Variants in ROBO2 observed in about 807,000 individuals in gnomAD.
ROBO2 encodes roundabout homolog 2.
Under a neutral mutation model 160.8 loss-of-function variants are expected in ROBO2, and 53 were observed. The observed-to-expected ratio is 0.33, with a 90% CI of 0.26 to 0.41. The LOEUF (loss-of-function observed/expected upper bound fraction) is 0.41, where lower values mean the gene tolerates loss of function less well. Among genes scored for constraint, ROBO2 ranks in the 10% least tolerant of loss-of-function variants. The pLI, the probability that ROBO2 is intolerant of heterozygous loss-of-function variation, is 1.00. For missense variants in ROBO2, 1,577 were observed against 1,722.4 expected (o/e 0.92, Z 1.49); for synonymous variants, 664 against 611.7 (o/e 1.09, Z -1.26).
chr3:77,648,959 C>A (rs1446343214), exon 26 of ROBO2: 2 of 152,150 alleles, frequency 1.3e-5, no homozygotes, highest in African/African-American at 4.8e-5. Context: ...CCAATACAAG[C>A]ACAGCTTCAT....
intron 2 of ROBO2, among the ~76,000 whole-genome samples, chr3:76,539,373 AAAAG>A (rs1420393831): frequency 1.3e-5 from 2 of 152,118 alleles, no homozygotes; most frequent in African/African-American, 4.8e-5. Flanking sequence ...AAAAAAAAAA[AAAAG>A]AATGCTAGCA....
intron 2 of ROBO2, among the ~76,000 whole-genome samples, chr3:76,587,522 G>C (rs1268166056): frequency 6.6e-6 from 1 of 152,054 alleles, no homozygotes; most frequent in Non-Finnish European, 1.5e-5. Context: ...CCAGTGAAGG[G>C]GGAAGTCCCT....
At chr3:76,579,786 CAAAAAAAAAA>C (rs5850267) in intron 2 of ROBO2, among the ~76,000 whole-genome samples, 1 of 107,150 alleles carries the variant, frequency 9.3e-6, no homozygotes, top group Non-Finnish European at 2.0e-5. Context: ...GGTTGAGTTA[CAAAAAAAAAA>C]AAAAAAAAGA....
At chr3:77,611,706 A>G (rs2094646435) in intron 21 of ROBO2, among the ~76,000 whole-genome samples, 1 of 152,198 alleles carries the variant, frequency 6.6e-6, no homozygotes, top group African/African-American at 2.4e-5. Context: ...ATCAAAATCA[A>G]ATAAAAAGTA....
chr3:77,023,186 C>T (rs2062747548), intron 2 of ROBO2, among the ~76,000 whole-genome samples: 1 of 152,284 alleles, frequency 6.6e-6, no homozygotes, highest in South Asian at 2.1e-4. Context: ...AAAAGTCTCA[C>T]GAGATCTGAT....
intron 2 of ROBO2, among the ~76,000 whole-genome samples, chr3:76,887,124 T>C (rs1486104061): frequency 2.0e-5 from 3 of 152,086 alleles, no homozygotes; most frequent in African/African-American, 7.2e-5. Context: ...GGCATTTTAT[T>C]GTATTTATTT....
chr3:76,682,405 T>C (rs779023435), intron 2 of ROBO2, among the ~76,000 whole-genome samples: 2 of 127,692 alleles, frequency 1.6e-5, no homozygotes, highest in African/African-American at 3.4e-5. Context: ...GTTCTAAAAA[T>C]AGTCTATTAA....
At chr3:77,617,401 C>A (rs544058822) in intron 21 of ROBO2, 112 bp from the exon 23 acceptor site, 2 of 1,223,438 alleles carry the variant, frequency 1.6e-6, no homozygotes, top group Non-Finnish European at 2.4e-6. Flanking sequence ...AGAAATAAAC[C>A]GAGAGAACAT....
At chr3:76,163,967 C>T (rs2072734797) in intron 2 of ROBO2, among the ~76,000 whole-genome samples, 1 of 152,188 alleles carries the variant, frequency 6.6e-6, no homozygotes, top group South Asian at 2.1e-4. Flanking sequence ...TTCTCTGTCT[C>T]ATGCAATGCT....
chr3:77,210,673 G>C (rs1386375726), intron 2 of ROBO2, among the ~76,000 whole-genome samples: 1 of 152,048 alleles, frequency 6.6e-6, no homozygotes, highest in Non-Finnish European at 1.5e-5. Context: ...GTGCCATGTT[G>C]GTGTGCTGCA....
At chr3:76,273,238 T>A (rs1223828040) in intron 2 of ROBO2, among the ~76,000 whole-genome samples, 1 of 148,388 alleles carries the variant, frequency 6.7e-6, no homozygotes, top group Non-Finnish European at 1.5e-5. Context: ...ACAGTGAGAC[T>A]CATTCAATAC....
At chr3:76,984,216 G>T (rs900129287) in intron 2 of ROBO2, among the ~76,000 whole-genome samples, 4 of 152,046 alleles carry the variant, frequency 2.6e-5, no homozygotes, top group Non-Finnish European at 4.4e-5. Flanking sequence ...GGCCACAGCC[G>T]AACCATATCA....
intron 2 of ROBO2, among the ~76,000 whole-genome samples, chr3:76,696,792 C>A (rs1442814403): frequency 6.6e-6 from 1 of 152,154 alleles, no homozygotes; most frequent in Non-Finnish European, 1.5e-5. Context: ...TGCCGATTTC[C>A]ACTTTGCACC....
At chr3:76,216,415 A>C (rs966849422) in intron 2 of ROBO2, among the ~76,000 whole-genome samples, 1 of 152,180 alleles carries the variant, frequency 6.6e-6, no homozygotes, top group African/African-American at 2.4e-5. Context: ...CAGGAAACCC[A>C]TCTCACATGC....
chr3:76,991,796 A>G (rs1485449591), intron 2 of ROBO2, among the ~76,000 whole-genome samples: 1 of 152,180 alleles, frequency 6.6e-6, no homozygotes, highest in Non-Finnish European at 1.5e-5. Flanking sequence ...GGCTTCAACT[A>G]TCAGAGAAAA....
intron 10 of ROBO2, 99 bp from the exon 12 acceptor site, chr3:77,563,068 T>C: frequency 1.5e-5 from 16 of 1,078,236 alleles, no homozygotes; most frequent in Non-Finnish European, 2.2e-5. Context: ...AATTTCTCAC[T>C]GTCTAGGTCA....
intron 2 of ROBO2, among the ~76,000 whole-genome samples, chr3:76,081,578 A>T (rs1384713208): frequency 2.6e-5 from 4 of 152,160 alleles, no homozygotes; most frequent in African/African-American, 9.7e-5. Flanking sequence ...AGAAGCAGAA[A>T]TGAATTCAAC....
intron 2 of ROBO2, among the ~76,000 whole-genome samples, chr3:77,423,330 A>C (rs1049166281): frequency 6.6e-6 from 1 of 152,174 alleles, no homozygotes; most frequent in African/African-American, 2.4e-5. Flanking sequence ...TATAAGAAGT[A>C]GACCTTTCCT....
At chr3:76,198,019 A>G (rs1702341813) in intron 2 of ROBO2, among the ~76,000 whole-genome samples, 1 of 152,196 alleles carries the variant, frequency 6.6e-6, no homozygotes, top group Admixed American at 6.6e-5. Flanking sequence ...ACTGTAAACC[A>G]AAGTACAACT....
Sources: allele counts gnomAD v4.1 joint callset (sites outside exome capture counted in the v4.1 genomes callset), GRCh38; gene constraint gnomAD v4.1.1; transcripts MANE v1.5; gene names NCBI Gene and HGNC (gene_info 2026-07-23, HGNC 2026-07-21).